NHSL1: variants seen among roughly 807,000 people sequenced by gnomAD.
The protein encoded by NHSL1 is NHS-like protein 1.
NHSL1 carries 48 observed loss-of-function variants against 95.0 expected under a neutral mutation model. That is an observed-to-expected ratio of 0.51 (90% CI 0.40 to 0.64). The LOEUF (loss-of-function observed/expected upper bound fraction) is 0.64, where lower values mean the gene tolerates loss of function less well. Ranked by LOEUF, NHSL1 falls within the 30% of genes least tolerant of loss-of-function variation. The pLI is 0.00. For missense variants in NHSL1, 1,971 were observed against 2,077.7 expected, an observed-to-expected ratio of 0.95 and a Z score of 1.00; for synonymous variants, 783 against 833.9, an observed-to-expected ratio of 0.94 and a Z score of 1.05.
At chr6:138,605,184 T>C (rs559346382) in intron 1 of NHSL1, among the ~76,000 whole-genome samples, 7 of 152,098 alleles carry the variant, frequency 4.6e-5, no homozygotes, top group African/African-American at 1.7e-4. Context: ...ACAACGGACC[T>C]GACTTGGATT....
At position 138,646,887 on chromosome 6, in the gene NHSL1, G is replaced by GT. The variant is rs1785027491; in HGVS notation, c.96+45588dup. Among the ~76,000 whole-genome samples the GT allele has an allele frequency of 2.6e-5, 4 of 152,290 alleles. No homozygotes were observed. In the South Asian group the frequency reaches 8.3e-4, roughly 32 times the overall value. On this transcript the variant is annotated intron_variant, in intron 1 of 3. Coordinates refer to the NHSL1 transcript ENST00000491526. ...ACACTGGTGTATTCAAATAAGAACT[G>GT]TTTGAGCCCATTAAGAATTTTAATT... is the stretch of plus-strand genomic sequence containing the variant.
chr6:138,610,203 C>T (rs1186949114), intron 1 of NHSL1, among the ~76,000 whole-genome samples: 1 of 152,116 alleles, frequency 6.6e-6, no homozygotes, highest in Non-Finnish European at 1.5e-5. Context: ...GTTAGGCATT[C>T]AGTAGCAAAT....
At position 138,423,815 on chromosome 6, in the gene NHSL1, CAAAAAAAAAA is replaced by C. The variant is rs56326954; in HGVS notation, c.*256_*265del. On this transcript the variant is annotated 3_prime_UTR_variant, in exon 8 of 8. Transcript: ENST00000343505. The stretch of plus-strand genomic sequence containing the variant: ...GCACACATACACACCCAGCATTTAG[CAAAAAAAAAA>C]AAAAAAAAAAAAAATCTTCCCCGGG... 1.6e-4 allele frequency: 22 copies of C among 139,108 alleles called. No homozygotes were observed. Among genetic ancestry groups the C allele is most frequent in the Middle Eastern group, 2.1e-3 (1 of 468 alleles). The allele number at this position is 139,108 out of a possible 1,614,324, so 8.6% of individuals were successfully genotyped here. A position where few individuals can be genotyped will look rare whatever the true frequency, so the allele number is the denominator to read the frequency against.
chr6:138,503,848 C>T (rs958055296), upstream of NHSL1, among the ~76,000 whole-genome samples: 1 of 152,142 alleles, frequency 6.6e-6, no homozygotes, highest in Non-Finnish European at 1.5e-5. Context: ...CAAACTGTTT[C>T]TCAGGAACTA....
chr6:138,499,650 G>T (rs570123582), upstream of NHSL1, among the ~76,000 whole-genome samples: 1 of 152,316 alleles, frequency 6.6e-6, no homozygotes, highest in African/African-American at 2.4e-5. Context: ...CTCTCCAACA[G>T]ATCAGAAGTT....
chr6:138,553,112 AAGGAT>A (rs1399762416), intron 1 of NHSL1, among the ~76,000 whole-genome samples: 1 of 152,224 alleles, frequency 6.6e-6, no homozygotes, highest in African/African-American at 2.4e-5. Flanking sequence ...AACACAAGAT[AAGGAT>A]AAATCCTAAA....
intron 5 of NHSL1, among the ~76,000 whole-genome samples, chr6:138,441,154 C>G (rs114277648): frequency 6.6e-6 from 1 of 152,230 alleles, no homozygotes; most frequent in African/African-American, 2.4e-5. Flanking sequence ...CTCAGAGAGA[C>G]GAAGTTAACT....
At chr6:138,500,725 CAACAA>C (rs1229134791), upstream of NHSL1, among the ~76,000 whole-genome samples, 1 of 151,694 alleles carries the variant, frequency 6.6e-6, no homozygotes, top group African/African-American at 2.4e-5. Flanking sequence ...TTTTCAACAA[CAACAA>C]AACAAAAGAA....
chr6:138,492,759 A>G (rs1258824556), intron 2 of NHSL1, among the ~76,000 whole-genome samples: 38 of 152,234 alleles, frequency 2.5e-4, no homozygotes, highest in Admixed American at 2.5e-3. Context: ...TAATTCATAC[A>G]ATAAGCATTT....
intron 1 of NHSL1, chr6:138,650,362 GCAGCCCACAGTTGTTCA>G: frequency 7.9e-7 from 1 of 1,261,370 alleles, no homozygotes; most frequent in South Asian, 1.2e-5. Flanking sequence ...AGCCCAGCCT[GCAGCCCACAGTTGTTCA>G]CAGCCATGAG....
intron 2 of NHSL1, among the ~76,000 whole-genome samples, chr6:138,483,062 C>T (rs186283042): frequency 3.1e-4 from 47 of 152,182 alleles, no homozygotes; most frequent in African/African-American, 1.1e-3. Context: ...GTGAGCCACA[C>T]CGTGAGAAAA....
intron 1 of NHSL1, among the ~76,000 whole-genome samples, chr6:138,665,004 C>G (rs1266562888): frequency 6.6e-6 from 1 of 152,148 alleles, no homozygotes; most frequent in African/African-American, 2.4e-5. Flanking sequence ...GATGTTTGAC[C>G]AAACATCTGG....
intron 1 of NHSL1, among the ~76,000 whole-genome samples, chr6:138,554,688 C>G (rs771594303): frequency 1.1e-4 from 16 of 152,314 alleles, no homozygotes; most frequent in Non-Finnish European, 2.4e-4. Flanking sequence ...TTAAGGCCTA[C>G]TTGTTTAAAA....
intron 2 of NHSL1, among the ~76,000 whole-genome samples, chr6:138,488,847 A>C (rs1335443261): frequency 1.3e-5 from 2 of 152,218 alleles, no homozygotes; most frequent in African/African-American, 4.8e-5. Context: ...TGAGATCAGA[A>C]TAGGCCAGCA....
intron 1 of NHSL1, among the ~76,000 whole-genome samples, chr6:138,673,035 A>ATAGC (rs1237849345): frequency 6.3e-3 from 23 of 3,634 alleles, no homozygotes; most frequent in African/African-American, 0.011. Flanking sequence ...AGATAGGTAG[A>ATAGC]TAGATAGATA....
rs182316049 is a variant in NHSL1, at chr6:138,550,891, T to C, written c.202+20819A>G. On this transcript the variant is annotated intron_variant, in intron 1 of 6. Coordinates refer to the NHSL1 transcript ENST00000427025. ...TCTTGCCAAAAAGCCCAGATAAAGATGGAAAAATCCTTCTCCATACCCATT... is the reference window on the plus strand; with the variant it reads ...TCTTGCCAAAAAGCCCAGATAAAGACGGAAAAATCCTTCTCCATACCCATT... Among the ~76,000 whole-genome samples the C allele has an allele frequency of 1.2e-4, 18 of 152,270 alleles. No homozygotes were observed. In the East Asian group the frequency reaches 2.9e-3, roughly 25 times the overall value.
chr6:138,627,755 C>T (rs1019949088), intron 1 of NHSL1, among the ~76,000 whole-genome samples: 3 of 152,180 alleles, frequency 2.0e-5, no homozygotes, highest in Admixed American at 2.0e-4. Context: ...GTGGCGGGCG[C>T]CTGTAATCCC....
Position 138,430,812 on chromosome 6 carries a change from G to C in NHSL1, c.3533C>G (p.Pro1178Arg). 6.4e-7 allele frequency: 1 copy of C among 1,551,114 alleles called. No homozygotes were observed. The highest frequency in any genetic ancestry group is 8.7e-7 in the Non-Finnish European group (1 of 1,146,908). ...SAGEAEARPSPSTTPLPDSSP... is the reference protein window; with the variant it reads ...SAGEAEARPSRSTTPLPDSSP... ...AGAGTCTGGGAGTGGGGTGGTGCTG[G>C]GGCTGGGCCGAGCCTCTGCCTCCCC... The change falls in exon 6 of 8, where the codon CCC becomes CGC. Residue 1178 changes from proline to arginine, a missense_variant. Pro to Arg is a moderately radical substitution (Grantham distance 103). This residue lies in a region of NHSL1 where 1,602 missense variants were observed against 1,654.5 expected (regional missense o/e 0.97). Coordinates refer to ENST00000343505, the MANE Select transcript of NHSL1 (RefSeq NM_001144060.2). The surrounding 1 kb of genome is among the most constrained non-coding windows in gnomAD (Gnocchi z 4.7).
chr6:138,626,156 G>A (rs895529355), intron 1 of NHSL1, among the ~76,000 whole-genome samples: 1 of 152,178 alleles, frequency 6.6e-6, no homozygotes, highest in Admixed American at 6.5e-5. Context: ...GCACTGAGGT[G>A]TCCAAATTAT....
Sources: gnomAD v4.1 joint callset for allele counts (sites outside exome capture counted in the v4.1 genomes callset) on GRCh38, gnomAD v4.1.1 for gene constraint, gnomAD v4.1.1 regional missense constraint, Gnocchi (gnomAD v3.1) non-coding constraint, MANE v1.5 for transcripts, NCBI Gene and HGNC (gene_info 2026-07-23, HGNC 2026-07-21) for gene names.